The following PTCHD4 variants were observed in gnomAD, a reference collection of about 807,000 sequenced individuals.
The protein encoded by PTCHD4 is patched domain-containing protein 4.
A neutral mutation model predicts 58.1 loss-of-function variants in PTCHD4; 33 were observed. That is an observed-to-expected ratio of 0.57 (90% CI 0.43 to 0.76). The LOEUF is 0.76. Ranked by LOEUF, PTCHD4 falls within the 30% of genes least tolerant of loss-of-function variation. PTCHD4 has a pLI of 0.00. For synonymous variants in PTCHD4, 478 were observed against 409.6 expected, an observed-to-expected ratio of 1.17 and a Z score of -2.02; for missense variants, 1,058 against 1,027.1, an observed-to-expected ratio of 1.03 and a Z score of -0.41.
At position 47,916,175 on chromosome 6, in the gene PTCHD4, G is replaced by A. The variant is rs561800172; in HGVS notation, c.899-36239C>T. Among the ~76,000 whole-genome samples, 3 of 152,194 alleles carry A rather than the reference G, an allele frequency of 2.0e-5. No individual in the cohort carries two copies. In the East Asian group the frequency reaches 5.8e-4, roughly 29 times the overall value. On this transcript the variant is annotated intron_variant, in intron 4 of 4. Transcript: ENST00000339488. ...TGTGCAGTGTGGCTCAAGATAAGAG[G>A]ATGCTGATATTCTCCTCTCGGTTCC...
intron 4 of PTCHD4, among the ~76,000 whole-genome samples, chr6:47,935,939 T>C (rs1442138549): frequency 6.6e-6 from 1 of 152,178 alleles, no homozygotes; most frequent in Non-Finnish European, 1.5e-5. Flanking sequence ...TGGTATTTTA[T>C]CACATAGGGT....
In PTCHD4 at chr6:48,068,281, C is replaced by G; in HGVS notation, c.366G>C (p.Leu122Phe). The G allele has an allele frequency of 6.2e-7, 1 of 1,608,854 alleles. No homozygotes were observed. The highest frequency in any genetic ancestry group is 8.5e-7 in the Non-Finnish European group (1 of 1,176,150). The change falls in exon 3 of 5, where the codon TTG becomes TTC. Residue 122 changes from leucine to phenylalanine, a missense_variant. Coordinates refer to ENST00000339488, the MANE Select transcript of PTCHD4 (RefSeq NM_001384253.1). The surrounding 1 kb of genome is among the most constrained non-coding windows in gnomAD (Gnocchi z 4.2). ...ILLSPTGDNI[L>F]LQAEGILQTH... ...TCTGCAGGATCCCCTCAGCCTGGAGCAAAATATTGTCCCCGGTTGGGGAGA... is the reference window on the plus strand; with the variant it reads ...TCTGCAGGATCCCCTCAGCCTGGAGGAAAATATTGTCCCCGGTTGGGGAGA...
intron 4 of PTCHD4, among the ~76,000 whole-genome samples, chr6:47,947,632 T>C (rs1766477018): frequency 6.6e-6 from 1 of 152,180 alleles, no homozygotes. Flanking sequence ...CCATGCATAG[T>C]TGTTGAAATA....
At position 47,878,102 on chromosome 6, in the gene PTCHD4, G is replaced by A. The variant is rs1937497766; in HGVS notation, c.*201C>T. 2.1e-6 allele frequency: 1 copy of A among 485,590 alleles called. No homozygotes were observed. Among genetic ancestry groups the A allele is most frequent in the African/African-American group, 2.0e-5 (1 of 50,540 alleles). 30.1% of individuals were successfully genotyped at this position (485,590 alleles called of 1,614,324 possible). A position where few individuals can be genotyped will look rare whatever the true frequency, so the allele number is the denominator to read the frequency against. On this transcript the variant is annotated 3_prime_UTR_variant, in exon 5 of 5. Coordinates refer to ENST00000339488, the MANE Select transcript of PTCHD4 (RefSeq NM_001384253.1). ...GAAACTTGTTTTTAGAGGAGAACAA[G>A]GTTGCAAATAACTTTTTCCTCTTTT...
At chr6:47,980,338 C>T (rs1213031299) in intron 4 of PTCHD4, among the ~76,000 whole-genome samples, 2 of 151,942 alleles carry the variant, frequency 1.3e-5, no homozygotes, top group African/African-American at 4.8e-5. Context: ...ATCTACTCCA[C>T]GTTGTACTTG....
chr6:48,089,542 A>C (rs1031333880), intron 1 of PTCHD4, among the ~76,000 whole-genome samples: 1 of 152,232 alleles, frequency 6.6e-6, no homozygotes, highest in African/African-American at 2.4e-5. Context: ...ACCAACAATG[A>C]ATCTTTTGAA....
At chr6:47,924,185 C>T (rs1765522912) in intron 4 of PTCHD4, among the ~76,000 whole-genome samples, 2 of 152,062 alleles carry the variant, frequency 1.3e-5, no homozygotes, top group Admixed American at 1.3e-4. Flanking sequence ...GCTGCTGTCT[C>T]TCCTGCTTGG....
intron 4 of PTCHD4, among the ~76,000 whole-genome samples, chr6:47,938,894 A>AG (rs879658086): frequency 1.3e-4 from 20 of 152,276 alleles, no homozygotes; most frequent in Non-Finnish European, 2.6e-4. Context: ...GGCCAGGAAG[A>AG]GGGTGAGGGG....
At chr6:48,078,261 G>T (rs1765096485) in intron 1 of PTCHD4, among the ~76,000 whole-genome samples, 1 of 152,186 alleles carries the variant, frequency 6.6e-6, no homozygotes, top group Admixed American at 6.5e-5. Flanking sequence ...CTTCCCTGGT[G>T]ATTCATGTAT....
intron 4 of PTCHD4, among the ~76,000 whole-genome samples, chr6:47,915,508 A>G (rs1273318122): frequency 6.6e-6 from 1 of 151,940 alleles, no homozygotes; most frequent in African/African-American, 2.4e-5. Context: ...CTCTGAAGAA[A>G]ATGGTGGAAA....
At chr6:47,907,618 T>G (rs1434507135) in intron 4 of PTCHD4, among the ~76,000 whole-genome samples, 1 of 152,230 alleles carries the variant, frequency 6.6e-6, no homozygotes, top group African/African-American at 2.4e-5. Context: ...CAAAAAGTCC[T>G]GTTAAAAGTC....
In PTCHD4 at chr6:48,040,066, G is replaced by A. The variant is rs139298305; in HGVS notation, c.417+28164C>T. ...CGATTAGTGGATGTCACTTTGAACA[G>A]CAAGAGAATGGGCAACCTTTAAGGT... is the stretch of plus-strand genomic sequence containing the variant. On this transcript the variant is annotated intron_variant, in intron 3 of 4. Coordinates refer to ENST00000339488, the MANE Select transcript of PTCHD4 (RefSeq NM_001384253.1). Among the ~76,000 whole-genome samples, 116 of 152,164 alleles carry A rather than the reference G, an allele frequency of 7.6e-4. 1 individual carries two copies. Among genetic ancestry groups the A allele is most frequent in the African/African-American group, 2.7e-3 (112 of 41,548 alleles).
chr6:48,095,690 AAAAC>A lies in PTCHD4; in HGVS notation c.-970+15355_-970+15358del, dbSNP rs1173965852. ...GGCTACAGAGCAAGACTCCGTCTCA[AAAAC>A]AAACAAACAAAAACAAAAACAAACA... On this transcript the variant is annotated intron_variant, in intron 1 of 4. Transcript: ENST00000339488. 7.4e-4 allele frequency among the ~76,000 whole-genome samples: 112 copies of A among 151,858 alleles called. 1 individual carries two copies. The highest frequency in any genetic ancestry group is 2.6e-3 in the African/African-American group (109 of 41,342).
rs1363472450 is a variant in PTCHD4, at chr6:47,872,791, C to T, written c.*5512G>A. Among the ~76,000 whole-genome samples the T allele has an allele frequency of 6.6e-6, 1 of 151,414 alleles. No homozygotes were observed. The highest frequency in any genetic ancestry group is 1.5e-5 in the Non-Finnish European group (1 of 67,670). ...TTTAATTTTTACATCTTTAGAGATGCAGAAGACATAAAATGTGATTTGTAG... is the reference window on the plus strand; with the variant it reads ...TTTAATTTTTACATCTTTAGAGATGTAGAAGACATAAAATGTGATTTGTAG... On this transcript the variant is annotated 3_prime_UTR_variant, in exon 5 of 5. Transcript: ENST00000339488.
At chr6:47,941,659 T>C (rs1766230088) in intron 4 of PTCHD4, among the ~76,000 whole-genome samples, 1 of 152,146 alleles carries the variant, frequency 6.6e-6, no homozygotes, top group Admixed American at 6.5e-5. Flanking sequence ...CAATACTAAT[T>C]CGCTGTTTGA....
At chr6:48,108,051 C>T (rs1765776335) in intron 1 of PTCHD4, among the ~76,000 whole-genome samples, 1 of 152,142 alleles carries the variant, frequency 6.6e-6, no homozygotes, top group South Asian at 2.1e-4. Context: ...GGCGATTCCT[C>T]AGGGATCTAG....
At chr6:48,030,074 C>CT (rs1201498811) in intron 3 of PTCHD4, among the ~76,000 whole-genome samples, 1 of 151,768 alleles carries the variant, frequency 6.6e-6, no homozygotes, top group Admixed American at 6.6e-5. Context: ...AAAGTCTGAT[C>CT]TGAGATCCCT....
rs570480754 is a variant in PTCHD4, at chr6:47,861,345, C to T, written c.*16958G>A. On this transcript the variant is annotated 3_prime_UTR_variant, in exon 5 of 5. Transcript: ENST00000339488. ...ATTTTATTTGTGTCTCAATTCTTGC[C>T]TGACTGTTTACTTACTAGTATTTAT... Among the ~76,000 whole-genome samples the T allele has an allele frequency of 1.9e-3, 129 of 67,216 alleles. 2 individuals are homozygous for T. Among genetic ancestry groups the T allele is most frequent in the Middle Eastern group, 0.017 (2 of 116 alleles). The allele number at this position is 67,216 out of a possible 152,430, so 44.1% of individuals were successfully genotyped here.
intron 4 of PTCHD4, among the ~76,000 whole-genome samples, chr6:47,956,623 C>A (rs1456764781): frequency 6.6e-6 from 1 of 151,792 alleles, no homozygotes; most frequent in Non-Finnish European, 1.5e-5. Flanking sequence ...TTAGTAGAGA[C>A]GGGGTTTCAC....
Sources: allele counts gnomAD v4.1 joint callset (sites outside exome capture counted in the v4.1 genomes callset), GRCh38; gene constraint gnomAD v4.1.1; non-coding constraint Gnocchi (gnomAD v3.1); transcripts MANE v1.5; gene names NCBI Gene and HGNC (gene_info 2026-07-23, HGNC 2026-07-21).